The following CERS6 variants were observed in gnomAD, a reference collection of about 807,000 sequenced individuals.
The protein encoded by CERS6 is LAG1 homolog, ceramide synthase 6.
A neutral mutation model predicts 56.8 loss-of-function variants in CERS6; 26 were observed. That is an observed-to-expected ratio of 0.46 (90% CI 0.34 to 0.63). The LOEUF (loss-of-function observed/expected upper bound fraction) is 0.63, where lower values mean the gene tolerates loss of function less well. Ranked by LOEUF, CERS6 falls within the 30% of genes least tolerant of loss-of-function variation. The pLI, the probability that CERS6 is intolerant of heterozygous loss-of-function variation, is 0.01. For missense variants in CERS6, 415 were observed against 467.5 expected (o/e 0.89, Z 1.04); for synonymous variants, 164 against 173.3 (o/e 0.95, Z 0.42).
intron 3 of CERS6, among the ~76,000 whole-genome samples, chr2:168,620,615 A>G (rs1248850897): frequency 6.6e-6 from 1 of 152,090 alleles, no homozygotes; most frequent in Non-Finnish European, 1.5e-5. Context: ...TTGTTAATAG[A>G]TATGGATTTA....
intron 3 of CERS6, among the ~76,000 whole-genome samples, chr2:168,586,899 G>T (rs1574082631): frequency 6.6e-6 from 1 of 152,302 alleles, no homozygotes; most frequent in East Asian, 1.9e-4. Flanking sequence ...GGTCAGGCAT[G>T]GTGGCTCACG....
At chr2:168,628,303 C>T (rs748847898) in intron 3 of CERS6, among the ~76,000 whole-genome samples, 31 of 152,128 alleles carry the variant, frequency 2.0e-4, no homozygotes, top group African/African-American at 7.2e-4. Flanking sequence ...GTGGATTGCC[C>T]TCAGCCCCAC....
At chr2:168,756,180 T>G (rs1684412523) in intron 8 of CERS6, among the ~76,000 whole-genome samples, 1 of 152,112 alleles carries the variant, frequency 6.6e-6, no homozygotes, top group South Asian at 2.1e-4. Flanking sequence ...GGGAGGCTGG[T>G]TTTATACTCT....
chr2:168,546,416 T>A (rs1695467218), intron 1 of CERS6, among the ~76,000 whole-genome samples: 1 of 152,236 alleles, frequency 6.6e-6, no homozygotes, highest in Non-Finnish European at 1.5e-5. Flanking sequence ...CTGTCTTATC[T>A]TTCCTGGTTT....
chr2:168,643,978 G>T (rs1291490431), intron 4 of CERS6, among the ~76,000 whole-genome samples: 1 of 152,158 alleles, frequency 6.6e-6, no homozygotes, highest in Non-Finnish European at 1.5e-5. Flanking sequence ...GGTGTCTCCT[G>T]ATCTCTGAGA....
At chr2:168,555,875 T>A (rs566560249) in intron 2 of CERS6, among the ~76,000 whole-genome samples, 1 of 152,138 alleles carries the variant, frequency 6.6e-6, no homozygotes, top group Non-Finnish European at 1.5e-5. Context: ...AACATGTAGG[T>A]ATATATTTTT....
At chr2:168,563,961 A>G (rs759184530) in intron 3 of CERS6, among the ~76,000 whole-genome samples, 1 of 152,128 alleles carries the variant, frequency 6.6e-6, no homozygotes, top group Non-Finnish European at 1.5e-5. Flanking sequence ...ATGATATAGT[A>G]TTGATGAAGT....
chr2:168,643,147 T>C (rs1333874371), intron 4 of CERS6, among the ~76,000 whole-genome samples: 3 of 152,222 alleles, frequency 2.0e-5, no homozygotes, highest in Admixed American at 6.5e-5. Context: ...GTTTACTTTG[T>C]TCCTCCTAAT....
At chr2:168,532,835 A>T (rs1175550866) in intron 1 of CERS6, among the ~76,000 whole-genome samples, 1 of 152,206 alleles carries the variant, frequency 6.6e-6, no homozygotes, top group Non-Finnish European at 1.5e-5. Context: ...ACCTTTTAAT[A>T]TATTTTCAGT....
At chr2:168,640,582 G>A (rs1340194157) in intron 4 of CERS6, among the ~76,000 whole-genome samples, 2 of 152,170 alleles carry the variant, frequency 1.3e-5, no homozygotes, top group African/African-American at 2.4e-5. Flanking sequence ...AGTAACATGG[G>A]AGCCTAATTC....
intron 3 of CERS6, among the ~76,000 whole-genome samples, chr2:168,600,436 C>T (rs1277233420): frequency 6.6e-6 from 1 of 152,136 alleles, no homozygotes; most frequent in Non-Finnish European, 1.5e-5. Context: ...GATCTCCTGA[C>T]CTAATGATCT....
At chr2:168,576,586 A>T (rs1017758789) in intron 3 of CERS6, among the ~76,000 whole-genome samples, 1 of 152,072 alleles carries the variant, frequency 6.6e-6, no homozygotes, top group African/African-American at 2.4e-5. Context: ...TTTTGAAACA[A>T]TTTTTTTATT....
At chr2:168,747,153 G>A (rs980265697) in intron 8 of CERS6, among the ~76,000 whole-genome samples, 3 of 151,936 alleles carry the variant, frequency 2.0e-5, no homozygotes, top group African/African-American at 7.3e-5. Context: ...GAGCATGATG[G>A]TGCATGCCTA....
At chr2:168,621,659 G>A (rs1459443580) in intron 3 of CERS6, among the ~76,000 whole-genome samples, 1 of 152,126 alleles carries the variant, frequency 6.6e-6, no homozygotes, top group Non-Finnish European at 1.5e-5. Context: ...CTTGACAAGG[G>A]TAGTCAACTT....
rs1290329401 is a variant in CERS6 at position 168,475,246 on chromosome 2, C to G, written c.170+18628C>G. ...GCTAAAAAAAAGTGCCACGAACACT[C>G]ATATTCTTGCCACCAGAATTCAATG... is the stretch of plus-strand genomic sequence containing the variant. On this transcript the variant is annotated intron_variant, in intron 1 of 9. Transcript: ENST00000305747. Among the ~76,000 whole-genome samples, 4 of 152,144 alleles carry G rather than the reference C, an allele frequency of 2.6e-5. No homozygotes were observed. In the East Asian group the frequency reaches 7.7e-4, roughly 29 times the overall value.
chr2:168,641,007 C>G (rs2105306310), intron 4 of CERS6, among the ~76,000 whole-genome samples: 1 of 152,274 alleles, frequency 6.6e-6, no homozygotes, highest in South Asian at 2.1e-4. Flanking sequence ...GGTGGAGAGT[C>G]ATTTCAGATC....
intron 8 of CERS6, among the ~76,000 whole-genome samples, chr2:168,733,523 G>T (rs1033198411): frequency 1.3e-5 from 2 of 152,198 alleles, no homozygotes; most frequent in African/African-American, 4.8e-5. Context: ...CTTCTTGGCA[G>T]TACAAAGTAA....
chr2:168,721,056 T>TG (rs1369772324), intron 8 of CERS6, among the ~76,000 whole-genome samples: 1 of 152,178 alleles, frequency 6.6e-6, no homozygotes, highest in Admixed American at 6.5e-5. Flanking sequence ...TCATTACTGA[T>TG]GTATTTGTGT....
chr2:168,751,651 AT>A (rs1387837476), intron 8 of CERS6, among the ~76,000 whole-genome samples: 1 of 152,168 alleles, frequency 6.6e-6, no homozygotes, highest in Non-Finnish European at 1.5e-5. Context: ...GATGGAAACC[AT>A]CCCACAGTTT....
Sources: gnomAD v4.1 joint callset for allele counts (sites outside exome capture counted in the v4.1 genomes callset) on GRCh38, gnomAD v4.1.1 for gene constraint, MANE v1.5 for transcripts, NCBI Gene and HGNC (gene_info 2026-07-23, HGNC 2026-07-21) for gene names.